The following SYNJ1 variants were observed in gnomAD, a reference collection of about 807,000 sequenced individuals.
SYNJ1 encodes synaptojanin 1.
In SYNJ1, 78 loss-of-function variants were observed where a neutral mutation model predicts 168.2. The observed-to-expected ratio is 0.46, with a 90% CI of 0.39 to 0.56. The LOEUF (loss-of-function observed/expected upper bound fraction) is 0.56. SYNJ1 is among the 20% of genes least tolerant of loss of function. SYNJ1 has a pLI of 0.00. For missense variants in SYNJ1, 1,303 were observed against 1,597.6 expected (o/e 0.82, Z 3.14); for synonymous variants, 539 against 548.6 (o/e 0.98, Z 0.24).
chr21:32,698,154 T>G (rs1304146001), intron 4 of SYNJ1, among the ~76,000 whole-genome samples: 1 of 151,948 alleles, frequency 6.6e-6, no homozygotes, highest in Non-Finnish European at 1.5e-5. Context: ...CTCTCTCCTT[T>G]CCTCTCCCTC....
intron 29 of SYNJ1, among the ~76,000 whole-genome samples, chr21:32,640,240 G>C (rs1424360670): frequency 6.6e-6 from 1 of 151,994 alleles, no homozygotes; most frequent in East Asian, 1.9e-4. Context: ...AGGAGATAGA[G>C]AGATACATAC....
chr21:32,699,912 A>T lies in SYNJ1; in HGVS notation c.405T>A (p.Ser135=), dbSNP rs113672883. The T allele has an allele frequency of 6.2e-7, 1 of 1,614,196 alleles. No homozygotes were observed. The highest frequency in any genetic ancestry group is 2.2e-5 in the East Asian group (1 of 44,882). Residue 135 remains serine, a synonymous_variant, in exon 4 of 33, where the codon TCT becomes TCA. Transcript: ENST00000674351. ...SGNFYFAWSA[S]GISLDLSLNA... is the part of the protein sequence containing the mutation. ...TAAGACTCAAATCTAAACTGATGCCAGATGCAGACCATGCAAAATAAAAGT... is the reference window on the plus strand; with the variant it reads ...TAAGACTCAAATCTAAACTGATGCCTGATGCAGACCATGCAAAATAAAAGT...
At chr21:32,638,871 A>T in intron 31 of SYNJ1, 37 bp downstream of exon 31, 1 of 1,547,818 alleles carries the variant, frequency 6.5e-7, no homozygotes, top group Non-Finnish European at 8.8e-7. Flanking sequence ...AATCATATGC[A>T]TCAAAGATAA....
At chr21:32,690,356 C>T (rs1783067) in intron 6 of SYNJ1, among the ~76,000 whole-genome samples, 83,371 of 151,752 alleles carry the variant, frequency 0.55, 23,477 homozygotes, top group African/African-American at 0.68. Flanking sequence ...TACAGGCACA[C>T]GTCACCATGC....
chr21:32,724,698 C>A (rs1322752793), intron 2 of SYNJ1, among the ~76,000 whole-genome samples: 1 of 152,140 alleles, frequency 6.6e-6, no homozygotes, highest in Non-Finnish European at 1.5e-5. Context: ...ACAATACAAA[C>A]CTTGGTATCA....
intron 4 of SYNJ1, among the ~76,000 whole-genome samples, chr21:32,699,098 G>A (rs764749390): frequency 1.3e-5 from 2 of 151,946 alleles, no homozygotes; most frequent in Non-Finnish European, 1.5e-5. Context: ...AGGAAAGATG[G>A]ATACACTCAA....
rs1256155308 is a variant in SYNJ1 at position 32,631,023 on chromosome 21, G to A, written c.*782C>T. ...TCTTTCTGTAAAGTCCAGTGTGGGT[G>A]AAGCCTTAGAGGCCAAGGTCGTGAA... On this transcript the variant is annotated 3_prime_UTR_variant, in exon 33 of 33. Transcript: ENST00000674351. 1 of 1,613,976 alleles carries A rather than the reference G, an allele frequency of 6.2e-7. No individual in the cohort carries two copies. Among genetic ancestry groups the A allele is most frequent in the Non-Finnish European group, 8.5e-7 (1 of 1,179,902 alleles).
chr21:32,677,458 A>G (rs941898426), intron 12 of SYNJ1, among the ~76,000 whole-genome samples: 3 of 152,176 alleles, frequency 2.0e-5, no homozygotes, highest in African/African-American at 7.2e-5. Flanking sequence ...AGGAAACTAA[A>G]AACACTAATG....
intron 6 of SYNJ1, among the ~76,000 whole-genome samples, chr21:32,690,774 T>G (rs2041995403): frequency 6.6e-6 from 1 of 152,004 alleles, no homozygotes; most frequent in South Asian, 2.1e-4. Context: ...ATACAAAAAT[T>G]AGCTGGGCAT....
chr21:32,639,148 A>C, intron 30 of SYNJ1, 23 bp from the exon 31 acceptor site: 1 of 1,595,318 alleles, frequency 6.3e-7, no homozygotes. Flanking sequence ...TGGTTGTCAG[A>C]TGTTAGGTAT....
chr21:32,646,690 C>A, intron 23 of SYNJ1, 88 bp from the exon 24 acceptor site: 6 of 946,568 alleles, frequency 6.3e-6, no homozygotes, highest in Non-Finnish European at 1.0e-5. Flanking sequence ...AGTTAAAATA[C>A]ACAAAACAAA....
In SYNJ1 at chr21:32,642,125, T is replaced by G; in HGVS notation, c.3487A>C (p.Ser1163Arg). Residue 1163 changes from serine (S) to arginine (R), a missense_variant, in exon 28 of 33, where the codon AGC (serine) becomes CGC (arginine). Coordinates refer to ENST00000674351, the MANE Select transcript of SYNJ1 (RefSeq NM_203446.3). The stretch of plus-strand genomic sequence containing the variant: ...TTATCTTTCCTTGTTGTTCCAGGGC[T>G]TTTGGGTGCTTTGAAGCAAGAAGGG... ...VARREMEAPKSPGTTRKDNIG... is the reference protein window; with the variant it reads ...VARREMEAPKRPGTTRKDNIG... The G allele has an allele frequency of 4.3e-6, 7 of 1,614,064 alleles. No individual in the cohort carries two copies. Among genetic ancestry groups the G allele is most frequent in the Non-Finnish European group, 5.9e-6 (7 of 1,180,014 alleles).
chr21:32,701,082 C>T (rs1201499485), intron 3 of SYNJ1, among the ~76,000 whole-genome samples: 2 of 152,122 alleles, frequency 1.3e-5, no homozygotes, highest in Admixed American at 1.3e-4. Flanking sequence ...CATAACGAAC[C>T]TGAGATATCA....
At chr21:32,649,620 T>C (rs2040199700) in intron 23 of SYNJ1, among the ~76,000 whole-genome samples, 1 of 152,214 alleles carries the variant, frequency 6.6e-6, no homozygotes, top group African/African-American at 2.4e-5. Flanking sequence ...ACACCAACAA[T>C]ACTAATTTGG....
At chr21:32,644,555 A>G (rs1265731423) in intron 26 of SYNJ1, among the ~76,000 whole-genome samples, 1 of 152,226 alleles carries the variant, frequency 6.6e-6, no homozygotes, top group African/African-American at 2.4e-5. Flanking sequence ...CTATACTTCA[A>G]ACAAAAAGTG....
At chr21:32,662,224 C>T (rs1278656335) in intron 18 of SYNJ1, among the ~76,000 whole-genome samples, 4 of 152,042 alleles carry the variant, frequency 2.6e-5, no homozygotes, top group African/African-American at 9.7e-5. Flanking sequence ...TACGCACGGC[C>T]GAGGCATGAG....
rs531250335 is a variant in SYNJ1, at chr21:32,640,733, T to C, written c.3589-954A>G. Among the ~76,000 whole-genome samples the C allele has an allele frequency of 6.6e-5, 10 of 152,332 alleles. No homozygotes were observed. In the East Asian group the frequency reaches 1.9e-3, roughly 29 times the overall value. ...CATGCCACTGCCACCCAGCCATATA[T>C]ATTGCTTTTAAACACAGAAGTACAA... On this transcript the variant is annotated intron_variant, in intron 29 of 32. Coordinates refer to ENST00000674351, the MANE Select transcript of SYNJ1 (RefSeq NM_203446.3).
intron 2 of SYNJ1, among the ~76,000 whole-genome samples, chr21:32,721,358 T>C (rs1212463232): frequency 6.6e-6 from 1 of 152,198 alleles, no homozygotes; most frequent in Non-Finnish European, 1.5e-5. Flanking sequence ...GAAGAAATAA[T>C]AATGAAATTA....
chr21:32,711,548 T>G (rs2042829794), intron 2 of SYNJ1, among the ~76,000 whole-genome samples: 1 of 152,138 alleles, frequency 6.6e-6, no homozygotes. Context: ...GCCAGGATGG[T>G]CTCGATCTCT....
Sources: allele counts gnomAD v4.1 joint callset (sites outside exome capture counted in the v4.1 genomes callset), GRCh38; gene constraint gnomAD v4.1.1; transcripts MANE v1.5; gene names NCBI Gene and HGNC (gene_info 2026-07-23, HGNC 2026-07-21).